CUX2: variants seen among roughly 807,000 people sequenced by gnomAD.
CUX2 encodes homeobox protein cut-like 2.
In CUX2, 40 loss-of-function variants were observed where a neutral mutation model predicts 144.8. The observed-to-expected ratio is 0.28, with a 90% CI of 0.21 to 0.36. The LOEUF (loss-of-function observed/expected upper bound fraction) is 0.36, where lower values mean the gene tolerates loss of function less well. CUX2 is among the 10% of genes least tolerant of loss of function. The pLI is 1.00. For synonymous variants in CUX2, 827 were observed against 875.6 expected (o/e 0.94, Z 0.98); for missense variants, 1,615 against 1,994.0 (o/e 0.81, Z 3.62).
intron 1 of CUX2, among the ~76,000 whole-genome samples, chr12:111,100,741 G>A (rs764470235): frequency 2.6e-5 from 4 of 152,350 alleles, no homozygotes; most frequent in Non-Finnish European, 4.4e-5. Context: ...CTGAGCACAC[G>A]TTGCACAGGA....
intron 1 of CUX2, among the ~76,000 whole-genome samples, chr12:111,196,323 G>A (rs754123456): frequency 2.6e-5 from 4 of 152,198 alleles, no homozygotes; most frequent in Non-Finnish European, 5.9e-5. Flanking sequence ...AAGTTTGCAC[G>A]CAGATCTTTG....
chr12:111,305,446 G>A (rs953328225), intron 10 of CUX2, among the ~76,000 whole-genome samples: 3 of 152,120 alleles, frequency 2.0e-5, no homozygotes, highest in Non-Finnish European at 4.4e-5. Flanking sequence ...GTCTCTACTT[G>A]TGACCTTTGG....
rs758666017 is a variant in CUX2, at chr12:111,320,085, C to T, written c.2076C>T (p.Ala692=). The change falls in exon 17 of 22, where the codon GCC becomes GCT. Residue 692 remains alanine (A), a synonymous_variant. Coordinates refer to ENST00000261726, the MANE Select transcript of CUX2 (RefSeq NM_015267.4). This position sits in a 1 kb window ranked among gnomAD's most constrained non-coding sequence, Gnocchi z 8.1. ...CCCCCGCCAGCACCTCGGAGGACGC[C>T]ATCAAGAGCATCCTGGAGCAGGCAC... The part of the protein sequence containing the change: ...GTTPASTSED[A]IKSILEQARR... The T allele has an allele frequency of 1.9e-6, 3 of 1,556,526 alleles. No homozygotes were observed. In the South Asian group the frequency reaches 3.5e-5, roughly 18 times the overall value.
intron 1 of CUX2, chr12:111,099,642 A>G (rs915054843): frequency 6.6e-6 from 3 of 456,548 alleles, no homozygotes; most frequent in African/African-American, 2.0e-5. Flanking sequence ...CTGGGGTGAG[A>G]TGGAGTCTCA....
Position 111,348,167 on chromosome 12 carries a change from G to T in CUX2, c.4303G>T (p.Ala1435Ser), listed in dbSNP as rs752996504. The T allele has an allele frequency of 3.1e-6, 5 of 1,614,080 alleles. 1 individual carries two copies. The South Asian group carries it at 5.5e-5, about 18-fold the overall frequency. Residue 1435 changes from alanine to serine, a missense_variant, in exon 22 of 22, where the codon GCC becomes TCC. Ala to Ser is a moderately conservative substitution (Grantham distance 99, BLOSUM62 1). Around this residue, in one of 12 missense-constraint regions of CUX2, gnomAD observed 298 missense variants for 330.4 expected, o/e 0.90. Transcript: ENST00000261726. ...CGCCCCCCCTGCCAAAGTGCCGAGT[G>T]CCAGCCCCACTGCTGACATGGCTGG... Reference protein sequence around the residue: ...PGAPPAKVPSASPTADMAGAL... With the variant: ...PGAPPAKVPSSSPTADMAGAL...
chr12:111,091,646 C>T (rs1872560244), intron 1 of CUX2, among the ~76,000 whole-genome samples: 1 of 152,216 alleles, frequency 6.6e-6, no homozygotes, highest in Admixed American at 6.5e-5. Flanking sequence ...TTACCACCAA[C>T]TAAAGGGGAC....
At chr12:111,054,529 T>G (rs1870429950) in intron 1 of CUX2, among the ~76,000 whole-genome samples, 3 of 152,210 alleles carry the variant, frequency 2.0e-5, no homozygotes, top group Admixed American at 2.0e-4. Context: ...TTTTATTTAT[T>G]TCTAGTTTAA....
At chr12:111,292,094 T>C (rs1449156299) in intron 5 of CUX2, among the ~76,000 whole-genome samples, 9 of 152,124 alleles carry the variant, frequency 5.9e-5, no homozygotes, top group African/African-American at 2.2e-4. Flanking sequence ...CGGCTAGGTG[T>C]GGACCCCAGA....
Position 111,037,007 on chromosome 12 carries a change from T to A in CUX2, c.63+2767T>A, listed in dbSNP as rs746927245. ...CTCTCTTGTACATAATGCCAGTGAC[T>A]CCTACGACACACTTTTATTTTCATT... On this transcript the variant is annotated intron_variant, in intron 1 of 21. Coordinates refer to ENST00000261726, the MANE Select transcript of CUX2 (RefSeq NM_015267.4). This position sits in a 1 kb window ranked among gnomAD's most constrained non-coding sequence, Gnocchi z 5.4. Among the ~76,000 whole-genome samples, 14 of 151,184 alleles carry A rather than the reference T, an allele frequency of 9.3e-5. No homozygotes were observed. Among genetic ancestry groups the A allele is most frequent in the Admixed American group, 6.6e-4 (10 of 15,128 alleles).
At chr12:111,104,167 T>C (rs143987535) in intron 1 of CUX2, among the ~76,000 whole-genome samples, 7 of 152,358 alleles carry the variant, frequency 4.6e-5, no homozygotes, top group Admixed American at 2.0e-4. Context: ...ATCTTTTTTA[T>C]GTCTTCTAAT....
chr12:111,217,985 C>T (rs992269535), intron 3 of CUX2, 48 bp downstream of exon 3: 9 of 1,605,642 alleles, frequency 5.6e-6, no homozygotes, highest in Middle Eastern at 1.9e-4. Context: ...CCCAATGGCT[C>T]CCCCTCCTAT....
intron 1 of CUX2, among the ~76,000 whole-genome samples, chr12:111,080,438 G>A (rs1273036460): frequency 6.6e-6 from 1 of 151,952 alleles, no homozygotes; most frequent in African/African-American, 2.4e-5. Context: ...TTGGGAAGCC[G>A]AGATGGGAGG....
intron 7 of CUX2, among the ~76,000 whole-genome samples, chr12:111,296,075 T>C (rs1885970757): frequency 6.6e-6 from 1 of 152,096 alleles, no homozygotes; most frequent in African/African-American, 2.4e-5. Context: ...AACCTCGGGG[T>C]GGTTGAACAC....
chr12:111,076,807 T>C (rs1205261325), intron 1 of CUX2, among the ~76,000 whole-genome samples: 3 of 152,238 alleles, frequency 2.0e-5, no homozygotes, highest in Non-Finnish European at 4.4e-5. Flanking sequence ...GATTTCTTGC[T>C]TGCTTAGCAG....
At chr12:111,257,953 A>C (rs1451787203) in intron 3 of CUX2, among the ~76,000 whole-genome samples, 1 of 152,194 alleles carries the variant, frequency 6.6e-6, no homozygotes, top group Non-Finnish European at 1.5e-5. Context: ...CTTTTATGCC[A>C]AGCTCACTTG....
chr12:111,219,196 G>A (rs1015579434), intron 3 of CUX2, among the ~76,000 whole-genome samples: 2 of 152,182 alleles, frequency 1.3e-5, no homozygotes, highest in Admixed American at 1.3e-4. Context: ...TTACACAAAT[G>A]TCGCTGATTT....
chr12:111,240,309 T>C (rs1452317184), intron 3 of CUX2, among the ~76,000 whole-genome samples: 4 of 152,150 alleles, frequency 2.6e-5, no homozygotes, highest in Non-Finnish European at 5.9e-5. Context: ...CCAAGGTGGG[T>C]GCTTCCCCCA....
chr12:111,100,001 T>G (rs1174568676), intron 1 of CUX2: 1 of 457,372 alleles, frequency 2.2e-6, no homozygotes, highest in South Asian at 1.5e-5. Flanking sequence ...CTTTTATTTT[T>G]GCACATTCGC....
intron 3 of CUX2, among the ~76,000 whole-genome samples, chr12:111,262,008 A>G (rs1246166881): frequency 6.6e-6 from 1 of 152,096 alleles, no homozygotes; most frequent in Non-Finnish European, 1.5e-5. Flanking sequence ...CCCTCCCCCA[A>G]GTGACTTCCC....
Sources: gnomAD v4.1 joint callset for allele counts (sites outside exome capture counted in the v4.1 genomes callset) on GRCh38, gnomAD v4.1.1 for gene constraint, gnomAD v4.1.1 regional missense constraint, Gnocchi (gnomAD v3.1) non-coding constraint, MANE v1.5 for transcripts, NCBI Gene and HGNC (gene_info 2026-07-23, HGNC 2026-07-21) for gene names.